The following CSGALNACT2 variants were observed in gnomAD, a reference collection of about 807,000 sequenced individuals.
The protein encoded by CSGALNACT2 is chondroitin sulfate N-acetylgalactosaminyltransferase 2, also known as beta 4 GalNAcT-2.
Under a neutral mutation model 55.3 loss-of-function variants are expected in CSGALNACT2, and 35 were observed. The observed-to-expected ratio is 0.63, with a 90% CI of 0.48 to 0.84. The LOEUF is 0.84. Among genes scored for constraint, CSGALNACT2 ranks in the 40% least tolerant of loss-of-function variants. The pLI is 0.00. For synonymous variants in CSGALNACT2, 196 were observed against 224.9 expected (o/e 0.87, Z 1.15); for missense variants, 544 against 657.5 (o/e 0.83, Z 1.89).
chr10:43,163,493 G>A (rs749447945), intron 4 of CSGALNACT2: 4 of 984,446 alleles, frequency 4.1e-6, no homozygotes, highest in South Asian at 4.7e-5. Flanking sequence ...AAGACCTAAC[G>A]GATGCAAGAG....
In CSGALNACT2 at chr10:43,163,990, G is replaced by A; in HGVS notation, c.1105G>A (p.Asp369Asn). The change falls in exon 5 of 8, where the codon GAT becomes AAT. Residue 369 changes from aspartate (D) to asparagine (N), a missense_variant. Asp to Asn is a conservative substitution (Grantham distance 23). Transcript: ENST00000374466. ...GGTCTTGATGTTTTTCTGTGATGTT[G>A]ATATCTATTTCTCAGCCGAATTCCT... The part of the protein sequence containing the change: ...GEVLMFFCDV[D>N]IYFSAEFLNS... 1 of 1,614,096 alleles carries A rather than the reference G, an allele frequency of 6.2e-7. No individual in the cohort carries two copies. Among genetic ancestry groups the A allele is most frequent in the Non-Finnish European group, 8.5e-7 (1 of 1,180,002 alleles).
chr10:43,182,803 A>G (rs1839613445), intron 7 of CSGALNACT2, among the ~76,000 whole-genome samples: 1 of 150,678 alleles, frequency 6.6e-6, no homozygotes, highest in Non-Finnish European at 1.5e-5. Flanking sequence ...TGAGCCACGG[A>G]GGTCGATGCT....
chr10:43,143,104 TGAA>T (rs1431957983), intron 1 of CSGALNACT2, among the ~76,000 whole-genome samples: 1 of 152,230 alleles, frequency 6.6e-6, no homozygotes, highest in Non-Finnish European at 1.5e-5. Flanking sequence ...TTGTCTGTAA[TGAA>T]GAGTAGAAAA....
chr10:43,172,633 G>A (rs1392785342), intron 6 of CSGALNACT2, among the ~76,000 whole-genome samples: 1 of 152,200 alleles, frequency 6.6e-6, no homozygotes, highest in Non-Finnish European at 1.5e-5. Context: ...ATCAAATATT[G>A]AGGGTCCCTT....
In CSGALNACT2 at chr10:43,184,528, AG is replaced by A. The variant is rs1839658279; in HGVS notation, c.*987del. On this transcript the variant is annotated 3_prime_UTR_variant, in exon 8 of 8. Transcript: ENST00000374466. Reference sequence around the variant, plus strand: ...GTATTTGCATTACTATAATACTTTGAGTTGAAAAAGAGTTTCATTGTGGAGA... The same window carrying A: ...GTATTTGCATTACTATAATACTTTGATTGAAAAAGAGTTTCATTGTGGAGA... 4 of 152,214 alleles carry A rather than the reference AG, an allele frequency of 2.6e-5. No homozygotes were observed. Among genetic ancestry groups the A allele is most frequent in the African/African-American group, 9.7e-5 (4 of 41,442 alleles). 9.4% of individuals were successfully genotyped at this position (152,214 alleles called of 1,614,324 possible). A position where few individuals can be genotyped will look rare whatever the true frequency, so the allele number is the denominator to read the frequency against.
intron 6 of CSGALNACT2, 29 bp downstream of exon 6, chr10:43,167,127 A>G (rs1374892658): frequency 2.2e-6 from 3 of 1,348,176 alleles, no homozygotes; most frequent in Non-Finnish European, 3.2e-6. Flanking sequence ...CAGTTATGAA[A>G]GACTCTAAAG....
At position 43,140,356 on chromosome 10, in the gene CSGALNACT2, C is replaced by T. The variant is rs1216936498; in HGVS notation, c.-254+1789C>T. Among the ~76,000 whole-genome samples, 5 of 152,084 alleles carry T rather than the reference C, an allele frequency of 3.3e-5. 1 individual carries two copies. In the South Asian group the frequency reaches 6.2e-4, roughly 19 times the overall value. On this transcript the variant is annotated intron_variant, in intron 1 of 7. Transcript: ENST00000374466. ...AACCAAAGGCAGAAAATTTAACCAACATGGAGTCATCTTTTTTTTAATGTA... is the reference window on the plus strand; with the variant it reads ...AACCAAAGGCAGAAAATTTAACCAATATGGAGTCATCTTTTTTTTAATGTA...
intron 1 of CSGALNACT2, among the ~76,000 whole-genome samples, chr10:43,146,386 A>G (rs771125976): frequency 2.6e-5 from 4 of 152,234 alleles, no homozygotes; most frequent in Non-Finnish European, 4.4e-5. Flanking sequence ...CAGCCCTTCC[A>G]TCTTCTCCTG....
chr10:43,158,967 C>A, intron 3 of CSGALNACT2, 36 bp downstream of exon 3: 1 of 1,265,004 alleles, frequency 7.9e-7, no homozygotes, highest in South Asian at 1.2e-5. Context: ...GCTACATTCT[C>A]CTAAAAAAAA....
intron 1 of CSGALNACT2, 84 bp from the exon 2 acceptor site, chr10:43,154,813 G>T: frequency 4.5e-6 from 1 of 222,580 alleles, no homozygotes; most frequent in Non-Finnish European, 8.8e-6. Flanking sequence ...TAGTAGTCAC[G>T]TAGCTAAGTT....
chr10:43,162,651 A>C, intron 4 of CSGALNACT2: 1 of 985,364 alleles, frequency 1.0e-6, no homozygotes, highest in Non-Finnish European at 1.2e-6. Flanking sequence ...TGTAAGTGTA[A>C]TCCTCCTAAA....
Position 43,151,722 on chromosome 10 carries a change from T to C in CSGALNACT2, c.-253-3175T>C, listed in dbSNP as rs536805310. On this transcript the variant is annotated intron_variant, in intron 1 of 7. Coordinates refer to ENST00000374466, the MANE Select transcript of CSGALNACT2 (RefSeq NM_018590.5). ...TAGATACCTTGGTCTCTTCAGACTATGAGCTGCATCCCATGAACTCAGGGA... is the reference window on the plus strand; with the variant it reads ...TAGATACCTTGGTCTCTTCAGACTACGAGCTGCATCCCATGAACTCAGGGA... 2.1e-3 allele frequency among the ~76,000 whole-genome samples: 325 copies of C among 152,356 alleles called. 1 individual carries two copies. Among genetic ancestry groups the C allele is most frequent in the South Asian group, 5.8e-3 (28 of 4,826 alleles).
chr10:43,181,211 G>A (rs1839582987), intron 7 of CSGALNACT2, among the ~76,000 whole-genome samples: 1 of 152,160 alleles, frequency 6.6e-6, no homozygotes, highest in African/African-American at 2.4e-5. Flanking sequence ...TACAGTTAGG[G>A]TTTTCCTACC....
intron 6 of CSGALNACT2, among the ~76,000 whole-genome samples, chr10:43,168,705 C>G (rs912410259): frequency 7.1e-6 from 1 of 140,164 alleles, no homozygotes; most frequent in Non-Finnish European, 1.6e-5. Flanking sequence ...CACACACACA[C>G]ACACGCCTCT....
chr10:43,157,574 G>A (rs1199509780), intron 2 of CSGALNACT2, among the ~76,000 whole-genome samples: 1 of 152,152 alleles, frequency 6.6e-6, no homozygotes, highest in East Asian at 1.9e-4. Flanking sequence ...GTCACAGTAT[G>A]TGGCATTGCC....
At chr10:43,175,569 G>T (rs927314415) in intron 6 of CSGALNACT2, among the ~76,000 whole-genome samples, 2 of 152,128 alleles carry the variant, frequency 1.3e-5, no homozygotes, top group Admixed American at 6.5e-5. Flanking sequence ...CCAGGGCCAG[G>T]TAATTACCAG....
At chr10:43,172,687 C>A (rs978417548) in intron 6 of CSGALNACT2, among the ~76,000 whole-genome samples, 1 of 152,286 alleles carries the variant, frequency 6.6e-6, no homozygotes, top group Admixed American at 6.5e-5. Context: ...ACACTTAGAC[C>A]CTAACAGATA....
intron 1 of CSGALNACT2, among the ~76,000 whole-genome samples, chr10:43,142,471 G>C (rs1261928471): frequency 6.6e-6 from 1 of 152,086 alleles, no homozygotes; most frequent in East Asian, 1.9e-4. Context: ...CAAAGTGCTG[G>C]GATTACACGC....
At chr10:43,157,406 G>T (rs1411865521) in intron 2 of CSGALNACT2, among the ~76,000 whole-genome samples, 1 of 152,180 alleles carries the variant, frequency 6.6e-6, no homozygotes, top group African/African-American at 2.4e-5. Context: ...GCCCACTGCA[G>T]GGAGAATAAT....
Sources: gnomAD v4.1 joint callset for allele counts (sites outside exome capture counted in the v4.1 genomes callset) on GRCh38, gnomAD v4.1.1 for gene constraint, MANE v1.5 for transcripts, NCBI Gene and HGNC (gene_info 2026-07-23, HGNC 2026-07-21) for gene names.